ENGASE: variants seen among roughly 807,000 people sequenced by gnomAD.
ENGASE encodes the protein endo-beta-N-acetylglucosaminidase, also known as cytosolic endo-beta-N-acetylglucosaminidase.
Under a neutral mutation model 78.5 loss-of-function variants are expected in ENGASE, and 69 were observed. The ratio of observed to expected loss-of-function variants is 0.88; its 90% confidence interval spans 0.72 to 1.07. ENGASE has a LOEUF of 1.07. Among genes scored for constraint, ENGASE ranks in the 50% least tolerant of loss-of-function variants. The pLI is 0.00. For synonymous variants in ENGASE, 408 were observed against 408.9 expected, an observed-to-expected ratio of 1.00 and a Z score of 0.03; for missense variants, 943 against 988.4, an observed-to-expected ratio of 0.95 and a Z score of 0.62.
In ENGASE at chr17:79,077,850, G is replaced by C; in HGVS notation, c.402G>C (p.Gly134=). Reference sequence around the variant, plus strand: ...TGTTGTGTCATGACATGATGGGCGGGTACCTGGATGACAGGTGAGGACCTG... The same window carrying C: ...TGTTGTGTCATGACATGATGGGCGGCTACCTGGATGACAGGTGAGGACCTG... The part of the protein sequence containing the change: ...RTLLCHDMMG[G]YLDDRFIQGS... Residue 134 remains glycine (G), a synonymous_variant, in exon 3 of 14, where the codon GGG becomes GGC. Transcript: ENST00000579016. 6.3e-7 allele frequency: 1 copy of C among 1,595,434 alleles called. No homozygotes were observed. Among genetic ancestry groups the C allele is most frequent in the Non-Finnish European group, 8.6e-7 (1 of 1,169,098 alleles).
At chr17:79,085,475 A>G in intron 12 of ENGASE, 133 bp downstream of exon 12, 1 of 1,344,774 alleles carries the variant, frequency 7.4e-7, no homozygotes. Flanking sequence ...AGCCCAGGAC[A>G]GCTGCTGGGA....
At chr17:79,076,801 G>C (rs1179859893) in intron 1 of ENGASE, among the ~76,000 whole-genome samples, 1 of 152,256 alleles carries the variant, frequency 6.6e-6, no homozygotes, top group East Asian at 1.9e-4. Flanking sequence ...AGAAAATCCT[G>C]GGGACCCTGT....
intron 10 of ENGASE, 44 bp from the exon 11 acceptor site, chr17:79,084,494 C>T (rs1027268675): frequency 2.0e-6 from 3 of 1,499,434 alleles, no homozygotes; most frequent in Admixed American, 2.5e-5. Context: ...TTCGATTTCT[C>T]AGTGGTCTCT....
chr17:79,078,118 T>C (rs1315282795), intron 3 of ENGASE, among the ~76,000 whole-genome samples: 1 of 152,006 alleles, frequency 6.6e-6, no homozygotes, highest in Non-Finnish European at 1.5e-5. Context: ...GGCAGGTGGG[T>C]CACCTGACCT....
At chr17:79,084,976 G>A (rs111685704) in intron 11 of ENGASE, among the ~76,000 whole-genome samples, 10 of 152,310 alleles carry the variant, frequency 6.6e-5, no homozygotes, top group South Asian at 2.1e-4. Context: ...TGGCCGTGGC[G>A]TGGAGAGGGG....
chr17:79,081,754 G>T, intron 6 of ENGASE, 144 bp from the exon 7 acceptor site: 1 of 757,742 alleles, frequency 1.3e-6, no homozygotes, highest in Non-Finnish European at 2.0e-6. Context: ...GGCTGTGTGG[G>T]GTGGGGTGGG....
chr17:79,074,878 T>G lies in ENGASE; in HGVS notation c.-67T>G. The stretch of plus-strand genomic sequence containing the variant: ...CGGCGTCAGCGCTGCGCACTTCCCA[T>G]TGGCCGAGCGCGGCGCGGGGGCGGG... On this transcript the variant is annotated 5_prime_UTR_variant, in exon 1 of 14. Coordinates refer to ENST00000579016, the MANE Select transcript of ENGASE (RefSeq NM_001042573.3). The G allele has an allele frequency of 8.2e-7, 1 of 1,226,672 alleles. No homozygotes were observed. The highest frequency in any genetic ancestry group is 1.0e-6 in the Non-Finnish European group (1 of 982,436). The allele number at this position is 1,226,672 out of a possible 1,614,324, so 76.0% of individuals were successfully genotyped here. A position where few individuals can be genotyped will look rare whatever the true frequency, so the allele number is the denominator to read the frequency against.
intron 1 of ENGASE, among the ~76,000 whole-genome samples, chr17:79,076,573 A>C (rs1309063470): frequency 6.6e-6 from 1 of 152,196 alleles, no homozygotes; most frequent in Non-Finnish European, 1.5e-5. Flanking sequence ...CAATTAATCA[A>C]TCAATTTTTA....
intron 6 of ENGASE, 27 bp from the exon 7 acceptor site, chr17:79,081,871 T>C: frequency 6.3e-7 from 1 of 1,593,708 alleles, no homozygotes; most frequent in Non-Finnish European, 8.6e-7. Context: ...GGCCTGGGCC[T>C]CACAGCAGGT....
chr17:79,082,380 C>G, intron 7 of ENGASE: 1 of 1,274,218 alleles, frequency 7.8e-7, no homozygotes, highest in Non-Finnish European at 1.0e-6. Context: ...GTTCCTTGAT[C>G]TTCCCCGTGA....
Position 79,087,216 on chromosome 17 carries a change from C to T in ENGASE, c.*867C>T, listed in dbSNP as rs553622016. The T allele has an allele frequency of 5.0e-5, 18 of 362,766 alleles. No individual in the cohort carries two copies. The highest frequency in any genetic ancestry group is 5.6e-5 in the Non-Finnish European group (10 of 180,152). The allele number at this position is 362,766 out of a possible 1,614,324, so 22.5% of individuals were successfully genotyped here. Reference sequence around the variant, plus strand: ...CAGGCAGGAAGCAGCACCTGCCCCCCGCGCCAGCCCAGCCCCAGCCTGAGT... The same window carrying T: ...CAGGCAGGAAGCAGCACCTGCCCCCTGCGCCAGCCCAGCCCCAGCCTGAGT... On this transcript the variant is annotated 3_prime_UTR_variant, in exon 14 of 14. Coordinates refer to ENST00000579016, the MANE Select transcript of ENGASE (RefSeq NM_001042573.3).
intron 1 of ENGASE, 96 bp downstream of exon 1, chr17:79,075,186 G>T: frequency 1.0e-5 from 12 of 1,167,664 alleles, no homozygotes; most frequent in Middle Eastern, 3.4e-4. Context: ...GCCGAGGGGC[G>T]GGGGGCCGGC....
Position 79,088,333 on chromosome 17 carries a change from T to A in ENGASE, c.*1984T>A, listed in dbSNP as rs2073393685. ...GCTGCCCTTCTTTCATGAAGTCTGT[T>A]TTTTAAGTGCTGGTTCCCCCGAATA... On this transcript the variant is annotated 3_prime_UTR_variant, in exon 14 of 14. Transcript: ENST00000579016. 6.6e-6 allele frequency: 1 copy of A among 152,200 alleles called. No homozygotes were observed. The highest frequency in any genetic ancestry group is 2.4e-5 in the African/African-American group (1 of 41,440). The allele number at this position is 152,200 out of a possible 1,614,324, so 9.4% of individuals were successfully genotyped here.
chr17:79,080,349 C>G lies in ENGASE; in HGVS notation c.708C>G (p.Ile236Met). 1.9e-6 allele frequency: 3 copies of G among 1,613,406 alleles called. No individual in the cohort carries two copies. Among genetic ancestry groups the G allele is most frequent in the South Asian group, 1.1e-5 (1 of 91,072 alleles). ...GTTTTGATGGCTGGCTGATCAACATCGAGAACTCGCTGAGTGTGAGTGCCC... is the reference window on the plus strand; with the variant it reads ...GTTTTGATGGCTGGCTGATCAACATGGAGAACTCGCTGAGTGTGAGTGCCC... Reference protein sequence around the residue: ...FFRFDGWLINIENSLSLAAVG... With the variant: ...FFRFDGWLINMENSLSLAAVG... The change falls in exon 5 of 14, where the codon ATC becomes ATG. Residue 236 changes from isoleucine (I) to methionine (M), a missense_variant. Transcript: ENST00000579016.
rs557328188 is a variant in ENGASE at position 79,078,486 on chromosome 17, C to T, written c.416+622C>T. On this transcript the variant is annotated intron_variant, in intron 3 of 13. Transcript: ENST00000579016. ...AGCACAGCAGGCAGGGGGTCCTCTT[C>T]GGCTGCCTGTCCGCAGCCTCACCCC... is the stretch of plus-strand genomic sequence containing the variant. Among the ~76,000 whole-genome samples the T allele has an allele frequency of 5.3e-5, 8 of 152,296 alleles. No homozygotes were observed. The East Asian group carries it at 1.4e-3, about 26-fold the overall frequency.
chr17:79,085,864 A>G, intron 13 of ENGASE, 69 bp from the exon 14 acceptor site: 1 of 1,579,236 alleles, frequency 6.3e-7, no homozygotes, highest in Non-Finnish European at 8.6e-7. Flanking sequence ...GGGAGGGGAA[A>G]TGTGTGCGTG....
rs879251455 is a variant in ENGASE at position 79,083,694 on chromosome 17, C to G, written c.1252-67C>G. 3.8e-6 allele frequency: 6 copies of G among 1,571,042 alleles called. No homozygotes were observed. The South Asian group carries it at 6.9e-5, about 18-fold the overall frequency. The stretch of plus-strand genomic sequence containing the variant: ...GGCACGGTGGTGGTCTTACCCTTCC[C>G]TGCCGCTCCGGGCACCCCTGCTCTG... On this transcript the variant is annotated intron_variant, in intron 9 of 13. Transcript: ENST00000579016. This position sits in a 1 kb window ranked among gnomAD's most constrained non-coding sequence, Gnocchi z 4.9.
At chr17:79,085,383 A>G in intron 12 of ENGASE, 41 bp downstream of exon 12, 1 of 1,517,148 alleles carries the variant, frequency 6.6e-7, no homozygotes. Flanking sequence ...CCCTCACTCA[A>G]GTCTCTGTTG....
chr17:79,077,548 T>C lies in ENGASE; in HGVS notation c.214+51T>C, dbSNP rs745747214. ...CGATCCACCTTCACACCTGGGGCTT[T>C]GGGGCAGGTCAGCCCCTGCCCCCTC... On this transcript the variant is annotated intron_variant, in intron 2 of 13. Coordinates refer to ENST00000579016, the MANE Select transcript of ENGASE (RefSeq NM_001042573.3). 3 of 1,543,178 alleles carry C rather than the reference T, an allele frequency of 1.9e-6. No individual in the cohort carries two copies. In the South Asian group the frequency reaches 3.8e-5, roughly 20 times the overall value.
Sources: allele counts gnomAD v4.1 joint callset (sites outside exome capture counted in the v4.1 genomes callset), GRCh38; gene constraint gnomAD v4.1.1; non-coding constraint Gnocchi (gnomAD v3.1); transcripts MANE v1.5; gene names NCBI Gene and HGNC (gene_info 2026-07-23, HGNC 2026-07-21).